The following SRGAP2 variants were observed in gnomAD, a reference collection of about 807,000 sequenced individuals.
The protein encoded by SRGAP2 is SLIT-ROBO Rho GTPase activating protein 2.
A neutral mutation model predicts 57.2 loss-of-function variants in SRGAP2; 15 were observed. That is an observed-to-expected ratio of 0.26 (90% CI 0.18 to 0.40). The LOEUF (loss-of-function observed/expected upper bound fraction) is 0.40. Ranked by LOEUF, SRGAP2 falls within the 10% of genes least tolerant of loss-of-function variation. The pLI, the probability that SRGAP2 is intolerant of heterozygous loss-of-function variation, is 1.00. For missense variants in SRGAP2, 520 were observed against 669.6 expected (o/e 0.78, Z 2.47); for synonymous variants, 249 against 248.0 (o/e 1.00, Z -0.04).
chr1:206,265,542 A>G (rs1359411263), intron 2 of SRGAP2, among the ~76,000 whole-genome samples: 5 of 75,336 alleles, frequency 6.6e-5, no homozygotes, highest in Admixed American at 3.1e-4. Context: ...AATTGCTCCT[A>G]AAGTCCTAGA....
chr1:206,389,096 A>G (rs1553349459), intron 5 of SRGAP2, among the ~76,000 whole-genome samples: 1 of 151,848 alleles, frequency 6.6e-6, no homozygotes, highest in African/African-American at 2.4e-5. Flanking sequence ...CTCTAACAGA[A>G]TAAACCTCTC....
chr1:206,447,367 C>A (rs1223352735), intron 18 of SRGAP2, among the ~76,000 whole-genome samples: 5 of 152,180 alleles, frequency 3.3e-5, no homozygotes, highest in South Asian at 2.1e-4. Context: ...TTGGTCCACG[C>A]TTCTCCCTGA....
intron 2 of SRGAP2, among the ~76,000 whole-genome samples, chr1:206,290,948 T>G (rs1671285441): frequency 6.6e-6 from 1 of 151,990 alleles, no homozygotes; most frequent in Non-Finnish European, 1.5e-5. Flanking sequence ...GGCATGGACT[T>G]TTTCCTGCTA....
chr1:206,209,885 A>AGGT (rs1553302033), intron 2 of SRGAP2, among the ~76,000 whole-genome samples: 1 of 95,044 alleles, frequency 1.1e-5, no homozygotes. Flanking sequence ...CTATGTAAAT[A>AGGT]GTTATACTGC....
At chr1:206,270,857 G>A (rs1401486261) in intron 2 of SRGAP2, among the ~76,000 whole-genome samples, 5 of 23,128 alleles carry the variant, frequency 2.2e-4, no homozygotes, top group African/African-American at 7.7e-4. Flanking sequence ...GAAGGGTAGG[G>A]ATGAGAGGGA....
chr1:206,453,139 C>T (rs1257548756), intron 19 of SRGAP2, 61 bp from the exon 20 acceptor site: 1 of 455,038 alleles, frequency 2.2e-6, no homozygotes, highest in African/African-American at 2.0e-5. Flanking sequence ...GCTTTTCCAC[C>T]CAGTTTCCTG....
chr1:206,427,958 C>T (rs1002698437), intron 13 of SRGAP2, among the ~76,000 whole-genome samples: 2 of 152,022 alleles, frequency 1.3e-5, no homozygotes, highest in African/African-American at 4.8e-5. Context: ...TAAAAACGTG[C>T]TGGGTGTGGT....
At chr1:206,385,191 C>T (rs1273360955) in intron 5 of SRGAP2, among the ~76,000 whole-genome samples, 1 of 111,200 alleles carries the variant, frequency 9.0e-6, no homozygotes, top group African/African-American at 4.8e-5. Flanking sequence ...TGAATTTCTA[C>T]TCTGTGACAC....
At chr1:206,400,533 T>G (rs2103134391) in intron 7 of SRGAP2, among the ~76,000 whole-genome samples, 1 of 37,530 alleles carries the variant, frequency 2.7e-5, no homozygotes, top group Non-Finnish European at 5.4e-5. Flanking sequence ...CAAGGGCAGC[T>G]TCAGTGCCAG....
chr1:206,349,411 A>G (rs1675877351), intron 4 of SRGAP2, among the ~76,000 whole-genome samples: 1 of 151,624 alleles, frequency 6.6e-6, no homozygotes, highest in Non-Finnish European at 1.5e-5. Flanking sequence ...CCAGGTATTT[A>G]TAGGCATCTA....
chr1:206,369,917 T>A (rs1654369413), intron 4 of SRGAP2, among the ~76,000 whole-genome samples: 2 of 151,036 alleles, frequency 1.3e-5, no homozygotes, highest in Admixed American at 1.3e-4. Context: ...CCCAAGAGAA[T>A]TGAAAACATA....
chr1:206,437,948 G>T lies in SRGAP2; in HGVS notation c.1634-16G>T, dbSNP rs1415995576. The T allele has an allele frequency of 3.8e-6, 3 of 780,322 alleles. No homozygotes were observed. Among genetic ancestry groups the T allele is most frequent in the Non-Finnish European group, 7.2e-6 (3 of 417,890 alleles). The allele number at this position is 780,322 out of a possible 1,614,324, so 48.3% of individuals were successfully genotyped here. ...TCTCACTCTCTTTCCTTTTCGTGGG[G>T]GTTGCTTATCCTCAGGAGAGGACCC... On this transcript the variant is annotated splice_polypyrimidine_tract_variant and intron_variant, in intron 15 of 22. Transcript: ENST00000573034.
chr1:206,290,641 C>CAA lies in SRGAP2; in HGVS notation c.68-12618_68-12617dup, dbSNP rs1237811129. Reference sequence around the variant, plus strand: ...TGGGCAACAGAGCGAGACTCCATCTCAAAAAAAAAAAAAAAAAAAAAAAGA... The same window carrying CAA: ...TGGGCAACAGAGCGAGACTCCATCTCAAAAAAAAAAAAAAAAAAAAAAAAAGA... On this transcript the variant is annotated intron_variant, in intron 2 of 22. Transcript: ENST00000573034. 6.2e-3 allele frequency among the ~76,000 whole-genome samples: 275 copies of CAA among 44,166 alleles called. 1 individual carries two copies. The highest frequency in any genetic ancestry group is 0.013 in the Middle Eastern group (1 of 80). The allele number at this position is 44,166 out of a possible 152,430, so 29.0% of individuals were successfully genotyped here.
chr1:206,276,841 C>T (rs1378541532), intron 2 of SRGAP2, among the ~76,000 whole-genome samples: 1 of 152,116 alleles, frequency 6.6e-6, no homozygotes, highest in Admixed American at 6.5e-5. Context: ...AAGCAAGCTG[C>T]GGATTCTGAA....
intron 14 of SRGAP2, among the ~76,000 whole-genome samples, chr1:206,432,367 A>G (rs1370302357): frequency 5.9e-5 from 9 of 152,218 alleles, no homozygotes; most frequent in African/African-American, 2.2e-4. Context: ...GGAATTTGGC[A>G]GTATCTAACA....
At chr1:206,234,458 G>A (rs1392920632) in intron 2 of SRGAP2, among the ~76,000 whole-genome samples, 1 of 152,080 alleles carries the variant, frequency 6.6e-6, no homozygotes, top group African/African-American at 2.4e-5. Flanking sequence ...TTACTTTGCT[G>A]CATACCTCAG....
chr1:206,434,465 G>A (rs1345162619), intron 14 of SRGAP2, among the ~76,000 whole-genome samples: 1 of 152,198 alleles, frequency 6.6e-6, no homozygotes, highest in African/African-American at 2.4e-5. Flanking sequence ...CTTAGTCCAA[G>A]TCTGATGAGT....
At chr1:206,456,853 C>T (rs971819401) in intron 21 of SRGAP2, among the ~76,000 whole-genome samples, 21 of 152,184 alleles carry the variant, frequency 1.4e-4, no homozygotes, top group African/African-American at 4.8e-4. Flanking sequence ...TGCCCAGGTT[C>T]TCTTTCGCCC....
chr1:206,449,154 C>G (rs1238756724), intron 18 of SRGAP2, among the ~76,000 whole-genome samples: 2 of 152,150 alleles, frequency 1.3e-5, no homozygotes, highest in African/African-American at 4.8e-5. Context: ...AACAGTTTCT[C>G]TACTTTTCAG....
Sources: gnomAD v4.1 joint callset for allele counts (sites outside exome capture counted in the v4.1 genomes callset) on GRCh38, gnomAD v4.1.1 for gene constraint, MANE v1.5 for transcripts, NCBI Gene and HGNC (gene_info 2026-07-23, HGNC 2026-07-21) for gene names.